The following ANKS1A variants were observed in gnomAD, a reference collection of about 807,000 sequenced individuals.
ANKS1A encodes the protein ankyrin repeat and sterile alpha motif domain containing 1A, also known as ankyrin repeat and SAM domain-containing protein 1A.
ANKS1A carries 55 observed loss-of-function variants against 120.3 expected under a neutral mutation model. The ratio of observed to expected loss-of-function variants is 0.46; its 90% CI spans 0.37 to 0.57. ANKS1A has a LOEUF of 0.57. ANKS1A is among the 20% of genes least tolerant of loss of function. ANKS1A has a pLI of 0.00. For missense variants in ANKS1A, 1,123 were observed against 1,480.3 expected, an observed-to-expected ratio of 0.76 and a Z score of 3.96; for synonymous variants, 590 against 604.7, an observed-to-expected ratio of 0.98 and a Z score of 0.36.
intron 1 of ANKS1A, among the ~76,000 whole-genome samples, chr6:34,957,277 T>A (rs1025481475): frequency 2.0e-5 from 3 of 152,246 alleles, no homozygotes; most frequent in Non-Finnish European, 4.4e-5. Flanking sequence ...GTTTCATGTC[T>A]GTGTTTTGTC....
intron 11 of ANKS1A, among the ~76,000 whole-genome samples, chr6:35,051,707 A>G (rs16896620): frequency 0.011 from 1,652 of 152,336 alleles, 30 homozygotes; most frequent in African/African-American, 0.037. Context: ...TGTGAGTAGA[A>G]TAGAATGCGG....
intron 13 of ANKS1A, among the ~76,000 whole-genome samples, chr6:35,073,840 T>C (rs1250971299): frequency 6.6e-6 from 1 of 152,152 alleles, no homozygotes; most frequent in Non-Finnish European, 1.5e-5. Context: ...GAGGGTGTGG[T>C]AACTTCCAGA....
chr6:34,889,976 C>T lies in ANKS1A; in HGVS notation c.197+377C>T, dbSNP rs1049881491. Among the ~76,000 whole-genome samples, 6 of 152,150 alleles carry T rather than the reference C, an allele frequency of 3.9e-5. No individual in the cohort carries two copies. The highest frequency in any genetic ancestry group is 7.2e-5 in the African/African-American group (3 of 41,426). On this transcript the variant is annotated intron_variant, in intron 1 of 23. Coordinates refer to ENST00000360359, the MANE Select transcript of ANKS1A (RefSeq NM_015245.3). This position sits in a 1 kb window ranked among gnomAD's most constrained non-coding sequence, Gnocchi z 5.5. Reference sequence around the variant, plus strand: ...TATATATATATGAGATCTCCCTCACCTCCTGCAGAAACTCCTACGCCTTGT... The same window carrying T: ...TATATATATATGAGATCTCCCTCACTTCCTGCAGAAACTCCTACGCCTTGT...
At chr6:35,041,508 T>C (rs909866165) in intron 11 of ANKS1A, among the ~76,000 whole-genome samples, 3 of 152,206 alleles carry the variant, frequency 2.0e-5, no homozygotes, top group Admixed American at 2.0e-4. Flanking sequence ...GTACACTCCA[T>C]AATTGCAACT....
At chr6:34,976,528 A>G (rs1010530120) in intron 3 of ANKS1A, among the ~76,000 whole-genome samples, 7 of 152,110 alleles carry the variant, frequency 4.6e-5, no homozygotes, top group Admixed American at 2.0e-4. Flanking sequence ...TTTTTGGTAC[A>G]TTTAAAATGA....
At chr6:34,898,109 G>A (rs1767181375) in intron 1 of ANKS1A, among the ~76,000 whole-genome samples, 1 of 152,214 alleles carries the variant, frequency 6.6e-6, no homozygotes, top group Admixed American at 6.5e-5. Flanking sequence ...ACCCTCAGCT[G>A]CTAGAATCAT....
intron 1 of ANKS1A, among the ~76,000 whole-genome samples, chr6:34,961,583 C>T (rs1219406748): frequency 1.3e-5 from 2 of 152,112 alleles, no homozygotes; most frequent in African/African-American, 4.8e-5. Flanking sequence ...CAAACTTAAT[C>T]ACCTTTAAAC....
chr6:35,021,351 C>T lies in ANKS1A; in HGVS notation c.2010+3292C>T, dbSNP rs62402706. Among the ~76,000 whole-genome samples, 843 of 152,208 alleles carry T rather than the reference C, an allele frequency of 5.5e-3. 5 individuals carry two copies. The highest frequency in any genetic ancestry group is 0.015 in the South Asian group (73 of 4,800). On this transcript the variant is annotated intron_variant, in intron 11 of 23. Coordinates refer to ENST00000360359, the MANE Select transcript of ANKS1A (RefSeq NM_015245.3). ...CCTGGGGAGGGAGAAGGAAGGCTGT[C>T]GGGTGGGAGCCCCTCAGGCTGCTCC...
Position 35,057,719 on chromosome 6 carries a change from C to G in ANKS1A, c.2078-2428C>G, listed in dbSNP as rs1408109986. Among the ~76,000 whole-genome samples, 1 of 152,160 alleles carries G rather than the reference C, an allele frequency of 6.6e-6. No individual in the cohort carries two copies. The highest frequency in any genetic ancestry group is 1.5e-5 in the Non-Finnish European group (1 of 68,024). On this transcript the variant is annotated intron_variant, in intron 12 of 23. Transcript: ENST00000360359. The surrounding 1 kb of genome is among the most constrained non-coding windows in gnomAD (Gnocchi z 4.1). ...GCTCTAACAGGCCCCAAGAGAAGTC[C>G]GTCCCCAATTTGTTTGGTATACTCA...
At chr6:34,923,164 G>C (rs938655869) in intron 1 of ANKS1A, among the ~76,000 whole-genome samples, 6 of 152,220 alleles carry the variant, frequency 3.9e-5, no homozygotes, top group African/African-American at 1.4e-4. Flanking sequence ...ACAGAATTCA[G>C]ATTTTGTGAT....
chr6:34,967,749 G>GA (rs1194272124), intron 2 of ANKS1A, among the ~76,000 whole-genome samples: 1 of 151,948 alleles, frequency 6.6e-6, no homozygotes, highest in Non-Finnish European at 1.5e-5. Context: ...GAGAAACAGA[G>GA]AAAAACAAAC....
intron 7 of ANKS1A, among the ~76,000 whole-genome samples, chr6:34,983,642 C>G (rs766361058): frequency 6.6e-6 from 1 of 152,060 alleles, no homozygotes; most frequent in Non-Finnish European, 1.5e-5. Context: ...TTATTTTAGC[C>G]TCCACTTTTC....
chr6:34,909,669 T>TG (rs1021089363), intron 1 of ANKS1A, among the ~76,000 whole-genome samples: 4 of 152,098 alleles, frequency 2.6e-5, no homozygotes, highest in African/African-American at 7.2e-5. Context: ...GATCTTCTGA[T>TG]GGGGGAGATA....
intron 1 of ANKS1A, among the ~76,000 whole-genome samples, chr6:34,946,770 G>C (rs911558486): frequency 6.6e-6 from 1 of 152,194 alleles, no homozygotes; most frequent in Non-Finnish European, 1.5e-5. Context: ...GCACAAAGGT[G>C]TAAGTATTAG....
chr6:35,035,761 GT>G (rs1481544511), intron 11 of ANKS1A, among the ~76,000 whole-genome samples: 1 of 152,214 alleles, frequency 6.6e-6, no homozygotes, highest in Non-Finnish European at 1.5e-5. Context: ...TTGTCTTTCT[GT>G]TAAACAGAAT....
At position 34,960,042 on chromosome 6, in the gene ANKS1A, G is replaced by A. The variant is rs75849803; in HGVS notation, c.198-7197G>A. ...CTGAACTCACCTCGATGTCCTTTGT[G>A]ATGTCCTCTGGCATCTCTGTGGGCG... is the stretch of plus-strand genomic sequence containing the variant. On this transcript the variant is annotated intron_variant, in intron 1 of 23. Coordinates refer to ENST00000360359, the MANE Select transcript of ANKS1A (RefSeq NM_015245.3). Among the ~76,000 whole-genome samples, 1,334 of 152,144 alleles carry A rather than the reference G, an allele frequency of 8.8e-3. 26 individuals are homozygous for A. The highest frequency in any genetic ancestry group is 0.03 in the African/African-American group (1,228 of 41,484).
the ANKS1A span, among the ~76,000 whole-genome samples, chr6:35,097,954 G>T: frequency 6.6e-6 from 1 of 152,318 alleles, no homozygotes; most frequent in African/African-American, 2.4e-5. Flanking sequence ...TTAGCCATGT[G>T]AACAGGTCCC....
At chr6:35,079,494 C>T (rs1338324653) in intron 14 of ANKS1A, 22 bp from the exon 15 acceptor site, 2 of 1,612,590 alleles carry the variant, frequency 1.2e-6, no homozygotes, top group African/African-American at 2.7e-5. Flanking sequence ...ATGTCAGTTT[C>T]ACCTCCCTCC....
At chr6:34,890,821 G>A (rs946185458) in intron 1 of ANKS1A, among the ~76,000 whole-genome samples, 3 of 152,190 alleles carry the variant, frequency 2.0e-5, no homozygotes, top group African/African-American at 7.2e-5. Flanking sequence ...GCCTTCGTTA[G>A]CTTTTGTTCC....
Sources: allele counts gnomAD v4.1 joint callset (sites outside exome capture counted in the v4.1 genomes callset), GRCh38; gene constraint gnomAD v4.1.1; non-coding constraint Gnocchi (gnomAD v3.1); transcripts MANE v1.5; gene names NCBI Gene and HGNC (gene_info 2026-07-23, HGNC 2026-07-21).